The following PCDHGB1 variants were observed in gnomAD, a reference collection of about 807,000 sequenced individuals.
The protein encoded by PCDHGB1 is protocadherin gamma subfamily B, 1, also known as protocadherin gamma-B1.
In PCDHGB1, 34 loss-of-function variants were observed where a neutral mutation model predicts 56.6. The observed-to-expected ratio is 0.60, with a 90% CI of 0.46 to 0.80. PCDHGB1 has a LOEUF of 0.80. PCDHGB1 is among the 30% of genes least tolerant of loss of function. PCDHGB1 has a pLI of 0.00. For missense variants in PCDHGB1, 1,278 were observed against 1,204.6 expected, an observed-to-expected ratio of 1.06 and a Z score of -0.90; for synonymous variants, 561 against 505.9, an observed-to-expected ratio of 1.11 and a Z score of -1.46.
Position 141,360,413 on chromosome 5 carries a change from A to G in PCDHGB1, c.2409+7744A>G, listed in dbSNP as rs1295695057. 2 of 1,613,982 alleles carry G rather than the reference A, an allele frequency of 1.2e-6. No individual in the cohort carries two copies. The highest frequency in any genetic ancestry group is 3.3e-5 in the Admixed American group (2 of 60,024). On this transcript the variant is annotated intron_variant, in intron 1 of 3. Coordinates refer to ENST00000523390, the MANE Select transcript of PCDHGB1 (RefSeq NM_018922.3). ...CTTGTGAGTGACAGAATAGACCGAG[A>G]ACAGATATGCGGGAAGCAGCCTCTG...
chr5:141,404,572 A>G (rs755182149), intron 1 of PCDHGB1: 79 of 1,613,728 alleles, frequency 4.9e-5, no homozygotes, highest in Non-Finnish European at 6.0e-5. Context: ...GTGGAAGCCC[A>G]CCACTTAGCA....
rs2099641960 is a variant in PCDHGB1 at position 141,487,259 on chromosome 5, T to C, written c.2410-7548T>C. On this transcript the variant is annotated intron_variant, in intron 1 of 3. Coordinates refer to ENST00000523390, the MANE Select transcript of PCDHGB1 (RefSeq NM_018922.3). This position sits in a 1 kb window ranked among gnomAD's most constrained non-coding sequence, Gnocchi z 5.0. ...TCGTCTAACCCTCTACTTGGCTGTG[T>C]CCCTAGTGGCAATTTGCTTTGTCTC... 6.2e-7 allele frequency: 1 copy of C among 1,614,132 alleles called. No homozygotes were observed. Among genetic ancestry groups the C allele is most frequent in the Non-Finnish European group, 8.5e-7 (1 of 1,180,012 alleles).
chr5:141,428,508 T>G, intron 1 of PCDHGB1: 1 of 279,550 alleles, frequency 3.6e-6, no homozygotes, highest in South Asian at 4.0e-5. Flanking sequence ...CCTCGGATTC[T>G]AGAAAAAGAA....
intron 1 of PCDHGB1, chr5:141,407,886 A>G (rs1390921977): frequency 2.6e-6 from 1 of 384,594 alleles, no homozygotes; most frequent in Non-Finnish European, 4.6e-6. Context: ...CATTTCGGAG[A>G]CCGAATTCAA....
intron 1 of PCDHGB1, among the ~76,000 whole-genome samples, chr5:141,462,160 A>T (rs575238638): frequency 4.6e-5 from 7 of 152,122 alleles, no homozygotes; most frequent in Non-Finnish European, 1.0e-4. Flanking sequence ...GGGTTTCATC[A>T]TGTTGGCCAG....
Position 141,486,585 on chromosome 5 carries a change from G to A in PCDHGB1, c.2410-8222G>A. The A allele has an allele frequency of 6.2e-7, 1 of 1,613,708 alleles. No individual in the cohort carries two copies. The highest frequency in any genetic ancestry group is 1.1e-5 in the South Asian group (1 of 91,080). ...TTTGTTCCTGAGAACAATCGCCCAG[G>A]GGACCTGCTTTGCTCCCTTGCAGCC... On this transcript the variant is annotated intron_variant, in intron 1 of 3. Transcript: ENST00000523390. The surrounding 1 kb of genome is among the most constrained non-coding windows in gnomAD (Gnocchi z 5.0).
In PCDHGB1 at chr5:141,351,774, C is replaced by G. The variant is rs1758816161; in HGVS notation, c.1514C>G (p.Pro505Arg). 4 of 1,613,410 alleles carry G rather than the reference C, an allele frequency of 2.5e-6. No individual in the cohort carries two copies. Among genetic ancestry groups the G allele is most frequent in the Non-Finnish European group, 3.4e-6 (4 of 1,179,912 alleles). The change falls in exon 1 of 4, where the codon CCG (proline) becomes CGG (arginine). Residue 505 changes from proline (P) to arginine (R), a missense_variant. Transcript: ENST00000523390. ...RELLSYVSVSPQSGVVFAQRA... is the reference protein window; with the variant it reads ...RELLSYVSVSRQSGVVFAQRA... Reference sequence around the variant, plus strand: ...CTGTTGTCCTACGTGTCCGTGAGCCCGCAGAGCGGGGTGGTGTTCGCGCAG... The same window carrying G: ...CTGTTGTCCTACGTGTCCGTGAGCCGGCAGAGCGGGGTGGTGTTCGCGCAG...
At chr5:141,423,701 G>A in intron 1 of PCDHGB1, 1 of 1,312,668 alleles carries the variant, frequency 7.6e-7, no homozygotes, top group Non-Finnish European at 9.9e-7. Flanking sequence ...TGGTGTCTTG[G>A]CACAAGTCTT....
chr5:141,422,973 T>G (rs1157516415), intron 1 of PCDHGB1: 1 of 1,614,102 alleles, frequency 6.2e-7, no homozygotes, highest in Non-Finnish European at 8.5e-7. Flanking sequence ...CGCCCCGCTC[T>G]GCGGAACCTG....
In PCDHGB1 at chr5:141,393,593, G is replaced by A. The variant is rs2092803808; in HGVS notation, c.2409+40924G>A. ...TTGAGAACATGCCCCCAGGCACGCG[G>A]CTGCTTACTGTAACAGCCAGCGACC... On this transcript the variant is annotated intron_variant, in intron 1 of 3. Transcript: ENST00000523390. The A allele has an allele frequency of 5.0e-6, 8 of 1,613,906 alleles. No individual in the cohort carries two copies. The East Asian group carries it at 1.8e-4, about 36-fold the overall frequency.
rs965293763 is a variant in PCDHGB1 at position 141,372,242 on chromosome 5, G to A, written c.2409+19573G>A. 2.5e-6 allele frequency: 4 copies of A among 1,613,274 alleles called. No individual in the cohort carries two copies. The South Asian group carries it at 3.3e-5, about 13-fold the overall frequency. ...TTGTGCAGGCCAGCGAGCCCGGGCT[G>A]TTCAGCCTGGGCCTGCGCACGGGTG... On this transcript the variant is annotated intron_variant, in intron 1 of 3. Coordinates refer to ENST00000523390, the MANE Select transcript of PCDHGB1 (RefSeq NM_018922.3).
At chr5:141,409,898 G>A in intron 1 of PCDHGB1, 1 of 1,613,240 alleles carries the variant, frequency 6.2e-7, no homozygotes, top group Non-Finnish European at 8.5e-7. Flanking sequence ...GCTGTACCCA[G>A]CTCTGGGTCC....
chr5:141,464,394 G>A (rs1277856342), intron 1 of PCDHGB1, among the ~76,000 whole-genome samples: 1 of 150,654 alleles, frequency 6.6e-6, no homozygotes. Context: ...TGCTAATGAA[G>A]AACCTGAGAT....
chr5:141,394,365 C>T (rs1451388519), intron 1 of PCDHGB1: 1 of 1,614,212 alleles, frequency 6.2e-7, no homozygotes, highest in South Asian at 1.1e-5. Context: ...GTATGCGCTG[C>T]AATCTTTCGA....
intron 2 of PCDHGB1, among the ~76,000 whole-genome samples, chr5:141,496,334 G>T (rs959266723): frequency 2.6e-5 from 4 of 152,240 alleles, no homozygotes; most frequent in Admixed American, 6.5e-5. Context: ...GAAGTCAGGA[G>T]CCTGGAGGAG....
Position 141,486,484 on chromosome 5 carries a change from C to A in PCDHGB1, c.2410-8323C>A. On this transcript the variant is annotated intron_variant, in intron 1 of 3. Transcript: ENST00000523390. This position sits in a 1 kb window ranked among gnomAD's most constrained non-coding sequence, Gnocchi z 5.0. ...ATGCTGGGAACCCTCCTCTCAGTAC[C>A]CACAGAACTATTTTCCTCAATATTT... is the stretch of plus-strand genomic sequence containing the variant. 5 of 1,614,102 alleles carry A rather than the reference C, an allele frequency of 3.1e-6. No homozygotes were observed. Among genetic ancestry groups the A allele is most frequent in the Non-Finnish European group, 4.2e-6 (5 of 1,179,930 alleles).
At chr5:141,449,328 C>G (rs1340432771) in intron 1 of PCDHGB1, among the ~76,000 whole-genome samples, 1 of 151,866 alleles carries the variant, frequency 6.6e-6, no homozygotes, top group African/African-American at 2.4e-5. Flanking sequence ...ATCTGTAGGC[C>G]AGGTGCAGTG....
intron 1 of PCDHGB1, chr5:141,405,052 C>G (rs182635391): frequency 4.3e-6 from 7 of 1,613,836 alleles, no homozygotes; most frequent in Non-Finnish European, 5.9e-6. Context: ...TGGCAGTCGT[C>G]TCCTGTGTCT....
chr5:141,485,245 G>C lies in PCDHGB1; in HGVS notation c.2410-9562G>C. 1 of 1,614,188 alleles carries C rather than the reference G, an allele frequency of 6.2e-7. No individual in the cohort carries two copies. Among genetic ancestry groups the C allele is most frequent in the Non-Finnish European group, 8.5e-7 (1 of 1,180,008 alleles). On this transcript the variant is annotated intron_variant, in intron 1 of 3. Coordinates refer to ENST00000523390, the MANE Select transcript of PCDHGB1 (RefSeq NM_018922.3). This position sits in a 1 kb window ranked among gnomAD's most constrained non-coding sequence, Gnocchi z 5.7. The stretch of plus-strand genomic sequence containing the variant: ...CCCTTTTGTTCCTCTTTTACCACCT[G>C]GGTTACGTTTGTGGGCAGATCCGCT...
Sources: gnomAD v4.1 joint callset for allele counts (sites outside exome capture counted in the v4.1 genomes callset) on GRCh38, gnomAD v4.1.1 for gene constraint, Gnocchi (gnomAD v3.1) non-coding constraint, MANE v1.5 for transcripts, NCBI Gene and HGNC (gene_info 2026-07-23, HGNC 2026-07-21) for gene names.